Variants in SPIRE1 observed in about 807,000 individuals in gnomAD.
The protein encoded by SPIRE1 is spire type actin nucleation factor 1, also known as protein spire homolog 1.
Under a neutral mutation model 94.1 loss-of-function variants are expected in SPIRE1, and 40 were observed. The observed-to-expected ratio is 0.43, with a 90% CI of 0.33 to 0.55. The LOEUF is 0.55. SPIRE1 is among the 20% of genes least tolerant of loss of function. The pLI is 0.06. For synonymous variants in SPIRE1, 376 were observed against 371.7 expected (o/e 1.01, Z -0.13); for missense variants, 838 against 975.2 (o/e 0.86, Z 1.87).
chr18:12,461,422 G>GTGTGTATGTATATACATACA (rs1555680886), intron 12 of SPIRE1, among the ~76,000 whole-genome samples: 20 of 127,782 alleles, frequency 1.6e-4, no homozygotes, highest in South Asian at 5.3e-4. Flanking sequence ...GTATGTGTGT[G>GTGTGTATGTATATACATACA]TGTGTGTATG....
intron 2 of SPIRE1, among the ~76,000 whole-genome samples, chr18:12,631,441 G>A (rs914664890): frequency 6.8e-6 from 1 of 146,742 alleles, no homozygotes; most frequent in East Asian, 2.0e-4. Context: ...GCTGGGCAAG[G>A]TGCCTCACAT....
At chr18:12,646,347 A>G (rs571407795) in intron 1 of SPIRE1, among the ~76,000 whole-genome samples, 1 of 152,144 alleles carries the variant, frequency 6.6e-6, no homozygotes, top group East Asian at 1.9e-4. Flanking sequence ...TATTATTTTA[A>G]AATTATTGCA....
rs370527650 is a variant in SPIRE1 at position 12,573,881 on chromosome 18, A to T, written c.373-26977T>A. 9.9e-5 allele frequency among the ~76,000 whole-genome samples: 15 copies of T among 152,172 alleles called. 1 individual carries two copies. The highest frequency in any genetic ancestry group is 3.4e-4 in the African/African-American group (14 of 41,534). ...CAGCCTCCCGAGTAGCTGGGACTACAGGTGCCTGCCACCACGCCCGGCTAA... is the reference window on the plus strand; with the variant it reads ...CAGCCTCCCGAGTAGCTGGGACTACTGGTGCCTGCCACCACGCCCGGCTAA... On this transcript the variant is annotated intron_variant, in intron 2 of 16. Transcript: ENST00000409402.
At chr18:12,523,597 C>T (rs908308092) in intron 4 of SPIRE1, among the ~76,000 whole-genome samples, 2 of 152,194 alleles carry the variant, frequency 1.3e-5, no homozygotes, top group South Asian at 2.1e-4. Context: ...CCATTAATGT[C>T]GGATCAAGAC....
At chr18:12,630,930 T>A (rs1015621485) in intron 2 of SPIRE1, among the ~76,000 whole-genome samples, 5 of 152,194 alleles carry the variant, frequency 3.3e-5, no homozygotes, top group African/African-American at 1.2e-4. Context: ...AAAAATAATT[T>A]AAGAGCCAAG....
At chr18:12,612,843 T>C (rs1213080622) in intron 2 of SPIRE1, among the ~76,000 whole-genome samples, 1 of 152,196 alleles carries the variant, frequency 6.6e-6, no homozygotes, top group African/African-American at 2.4e-5. Flanking sequence ...GATATCTCAA[T>C]ACCTTTTTCC....
intron 1 of SPIRE1, among the ~76,000 whole-genome samples, chr18:12,642,493 TA>T (rs2038113468): frequency 6.6e-6 from 1 of 151,992 alleles, no homozygotes; most frequent in Non-Finnish European, 1.5e-5. Context: ...TATCAGTGAT[TA>T]AAACCCGCCA....
In SPIRE1 at chr18:12,559,980, G is replaced by A. The variant is rs1293645139; in HGVS notation, c.373-13076C>T. Among the ~76,000 whole-genome samples, 1 of 152,156 alleles carries A rather than the reference G, an allele frequency of 6.6e-6. No individual in the cohort carries two copies. Among genetic ancestry groups the A allele is most frequent in the Non-Finnish European group, 1.5e-5 (1 of 68,026 alleles). ...AAGTAAGAATTAGAAATGGCAAACA[G>A]GTATATGAAAAGGTGCTTGACATCA... On this transcript the variant is annotated intron_variant, in intron 2 of 16. Transcript: ENST00000409402. The surrounding 1 kb of genome is among the most constrained non-coding windows in gnomAD (Gnocchi z 4.7).
intron 1 of SPIRE1, among the ~76,000 whole-genome samples, chr18:12,649,233 T>C (rs1382655177): frequency 6.6e-6 from 1 of 151,734 alleles, no homozygotes; most frequent in Non-Finnish European, 1.5e-5. Context: ...GCAACATTTT[T>C]CTCCACTAAA....
intron 2 of SPIRE1, among the ~76,000 whole-genome samples, chr18:12,554,611 AG>A (rs1215367070): frequency 6.6e-6 from 1 of 152,234 alleles, no homozygotes; most frequent in Non-Finnish European, 1.5e-5. Context: ...GAAAAATAGG[AG>A]GGAATATTTC....
intron 2 of SPIRE1, among the ~76,000 whole-genome samples, chr18:12,619,094 G>A (rs1411043569): frequency 1.3e-5 from 2 of 152,026 alleles, no homozygotes. Flanking sequence ...ATGTTGGTCA[G>A]GCTGGTCTCG....
intron 1 of SPIRE1, among the ~76,000 whole-genome samples, chr18:12,654,616 C>G (rs1015710782): frequency 2.0e-5 from 3 of 151,840 alleles, no homozygotes; most frequent in African/African-American, 7.3e-5. Context: ...GATCGCGCCA[C>G]CACACTCCAG....
rs9954340 is a variant in SPIRE1, at chr18:12,580,069, A to G, written c.373-33165T>C. Among the ~76,000 whole-genome samples, 378 of 152,284 alleles carry G rather than the reference A, an allele frequency of 2.5e-3. 3 individuals are homozygous for G. Among genetic ancestry groups the G allele is most frequent in the African/African-American group, 8.7e-3 (361 of 41,558 alleles). ...TAGAGTGGGTCTTGGTGAAAACATG[A>G]TAAGAGGAAGTAGAAACAGGATAGA... is the stretch of plus-strand genomic sequence containing the variant. On this transcript the variant is annotated intron_variant, in intron 2 of 16. Coordinates refer to ENST00000409402, the MANE Select transcript of SPIRE1 (RefSeq NM_001128626.2).
At chr18:12,465,213 G>A (rs2032041629) in intron 10 of SPIRE1, among the ~76,000 whole-genome samples, 1 of 152,098 alleles carries the variant, frequency 6.6e-6, no homozygotes, top group Non-Finnish European at 1.5e-5. Context: ...GTCTCACTCT[G>A]TTGCTCTGGT....
chr18:12,461,517 C>T lies in SPIRE1; in HGVS notation c.1638+1834G>A, dbSNP rs957165951. On this transcript the variant is annotated intron_variant, in intron 12 of 16. Coordinates refer to ENST00000409402, the MANE Select transcript of SPIRE1 (RefSeq NM_001128626.2). The stretch of plus-strand genomic sequence containing the variant: ...ATGCACGTACATATGTACGTACATA[C>T]ATATGTGTGGTATGTACGTACATAT... Among the ~76,000 whole-genome samples, 36 of 128,418 alleles carry T rather than the reference C, an allele frequency of 2.8e-4. 1 individual carries two copies. Among genetic ancestry groups the T allele is most frequent in the Admixed American group, 7.4e-5 (1 of 13,428 alleles). 84.2% of individuals were successfully genotyped at this position (128,418 alleles called of 152,430 possible). A position where few individuals can be genotyped will look rare whatever the true frequency, so the allele number is the denominator to read the frequency against.
intron 3 of SPIRE1, among the ~76,000 whole-genome samples, chr18:12,536,998 TTAA>T (rs1433642574): frequency 2.6e-5 from 4 of 152,212 alleles, no homozygotes; most frequent in East Asian, 1.9e-4. Flanking sequence ...TGTAATAGCC[TTAA>T]TAATGTGGCT....
intron 2 of SPIRE1, among the ~76,000 whole-genome samples, chr18:12,567,093 C>T (rs2035839581): frequency 6.6e-6 from 1 of 151,964 alleles, no homozygotes; most frequent in Non-Finnish European, 1.5e-5. Flanking sequence ...GAACAAAATC[C>T]CTCTGGAACT....
At chr18:12,481,824 G>A (rs1331929539) in intron 9 of SPIRE1, among the ~76,000 whole-genome samples, 1 of 152,038 alleles carries the variant, frequency 6.6e-6, no homozygotes, top group Non-Finnish European at 1.5e-5. Flanking sequence ...TAGAATTGTT[G>A]ATATTTTGTA....
intron 10 of SPIRE1, among the ~76,000 whole-genome samples, chr18:12,467,080 G>C (rs2143643986): frequency 6.6e-6 from 1 of 152,308 alleles, no homozygotes; most frequent in Admixed American, 6.5e-5. Context: ...AGGAGCTCAA[G>C]ACCAGCCGGG....
Sources: allele counts gnomAD v4.1 joint callset (sites outside exome capture counted in the v4.1 genomes callset), GRCh38; gene constraint gnomAD v4.1.1; non-coding constraint Gnocchi (gnomAD v3.1); transcripts MANE v1.5; gene names NCBI Gene and HGNC (gene_info 2026-07-23, HGNC 2026-07-21).